PTK7: variants seen among roughly 807,000 people sequenced by gnomAD.
PTK7 encodes inactive tyrosine-protein kinase 7.
In PTK7, 39 loss-of-function variants were observed where a neutral mutation model predicts 116.6. The ratio of observed to expected loss-of-function variants is 0.33; its 90% CI spans 0.26 to 0.44. PTK7 has a LOEUF of 0.44. Ranked by LOEUF, PTK7 falls within the 20% of genes least tolerant of loss-of-function variation. The pLI, the probability that PTK7 is intolerant of heterozygous loss-of-function variation, is 1.00. For synonymous variants in PTK7, 546 were observed against 563.6 expected (o/e 0.97, Z 0.44); for missense variants, 1,169 against 1,425.6 (o/e 0.82, Z 2.90).
chr6:43,132,936 G>A lies in PTK7; in HGVS notation c.1228+249G>A, dbSNP rs146987210. 111 of 597,804 alleles carry A rather than the reference G, an allele frequency of 1.9e-4. 1 individual carries two copies. In the Middle Eastern group the frequency reaches 5.2e-3, roughly 28 times the overall value. 37.0% of individuals were successfully genotyped at this position (597,804 alleles called of 1,614,324 possible). ...TGGTCCTCTGGGTACAGAGGAAAGA[G>A]CAATAGACTAGGAATCTAGAGACCT... On this transcript the variant is annotated intron_variant, in intron 7 of 19. Transcript: ENST00000230419.
chr6:43,083,631 G>A (rs903739771), intron 1 of PTK7, among the ~76,000 whole-genome samples: 2 of 152,140 alleles, frequency 1.3e-5, no homozygotes, highest in Admixed American at 6.5e-5. Flanking sequence ...AGCTTGGTTC[G>A]AAGGGCTGAC....
chr6:43,116,707 A>ATT (rs1768570895), intron 1 of PTK7, among the ~76,000 whole-genome samples: 1 of 151,974 alleles, frequency 6.6e-6, no homozygotes, highest in African/African-American at 2.4e-5. Context: ...GGTTCTGAGG[A>ATT]TACCCAGAGG....
At position 43,141,808 on chromosome 6, in the gene PTK7, A is replaced by G. The variant is rs886541139; in HGVS notation, c.1759A>G (p.Thr587Ala). Residue 587 changes from threonine to alanine, a missense_variant, in exon 11 of 20, where the codon ACT (threonine) becomes GCT (alanine). By Grantham distance (58) the Thr-to-Ala change is moderately conservative. Around this residue, in one of 3 missense-constraint regions of PTK7, gnomAD observed 678 missense variants for 853.8 expected, o/e 0.79. Transcript: ENST00000230419. This position sits in a 1 kb window ranked among gnomAD's most constrained non-coding sequence, Gnocchi z 4.9. ...QGQIRAHVQL[T>A]VAVFITFKVE... ...CCAGATTCGTGCCCATGTCCAGCTC[A>G]CTGTGGCAGGTGCGACCGTGGCAGG... 1.9e-6 allele frequency: 3 copies of G among 1,613,646 alleles called. No individual in the cohort carries two copies. The highest frequency in any genetic ancestry group is 2.5e-6 in the Non-Finnish European group (3 of 1,179,740).
rs763515084 is a variant in PTK7, at chr6:43,145,268, C to T, written c.2476C>T (p.Leu826=). 3 of 1,613,856 alleles carry T rather than the reference C, an allele frequency of 1.9e-6. No individual in the cohort carries two copies. The African/African-American group carries it at 4.0e-5, about 22-fold the overall frequency. Residue 826 remains leucine, a synonymous_variant, in exon 16 of 20, where the codon CTG becomes TTG. Transcript: ENST00000230419. This position sits in a 1 kb window ranked among gnomAD's most constrained non-coding sequence, Gnocchi z 4.8. ...QGLEEGVAET[L]VLVKSLQSKD... ...CTTGGAGGAGGGAGTGGCAGAGACC[C>T]TGGTACTTGTGAAGAGCCTGCAGAG...
intron 1 of PTK7, among the ~76,000 whole-genome samples, chr6:43,101,023 C>T (rs1209892923): frequency 2.8e-5 from 4 of 143,552 alleles, no homozygotes; most frequent in Non-Finnish European, 6.1e-5. Flanking sequence ...ACTTGAGGTC[C>T]AGAGTTCGAG....
At chr6:43,105,996 C>T (rs1032399114) in intron 1 of PTK7, among the ~76,000 whole-genome samples, 5 of 152,158 alleles carry the variant, frequency 3.3e-5, no homozygotes, top group Non-Finnish European at 5.9e-5. Context: ...TGTGACTGCG[C>T]CTGCCATTCT....
At chr6:43,078,007 A>C (rs933930086) in intron 1 of PTK7, among the ~76,000 whole-genome samples, 1 of 152,200 alleles carries the variant, frequency 6.6e-6, no homozygotes, top group East Asian at 1.9e-4. Context: ...CACAGCCAGG[A>C]TGGGGGCCCA....
chr6:43,150,521 G>T (rs1410438590), intron 17 of PTK7, among the ~76,000 whole-genome samples: 1 of 152,132 alleles, frequency 6.6e-6, no homozygotes, highest in East Asian at 1.9e-4. Flanking sequence ...ACCTTGACTA[G>T]CAGCAGATTG....
At chr6:43,091,500 C>A (rs753359520) in intron 1 of PTK7, among the ~76,000 whole-genome samples, 3 of 152,090 alleles carry the variant, frequency 2.0e-5, no homozygotes, top group Non-Finnish European at 4.4e-5. Context: ...AATAATAATA[C>A]CAGTCTCGTT....
At position 43,116,633 on chromosome 6, in the gene PTK7, TGTGTGTGTGTGTGTGTGTGC is replaced by T. The variant is rs1411390485; in HGVS notation, c.80-12342_80-12323del. Among the ~76,000 whole-genome samples, 58 of 129,002 alleles carry T rather than the reference TGTGTGTGTGTGTGTGTGTGC, an allele frequency of 4.5e-4. 1 individual carries two copies. Among genetic ancestry groups the T allele is most frequent in the Middle Eastern group, 7.7e-3 (2 of 260 alleles). 84.6% of individuals were successfully genotyped at this position (129,002 alleles called of 152,430 possible). A position where few individuals can be genotyped will look rare whatever the true frequency, so the allele number is the denominator to read the frequency against. The stretch of plus-strand genomic sequence containing the variant: ...GTGTGTGTGTGTGTGTGTGTGTGTG[TGTGTGTGTGTGTGTGTGTGC>T]GCGCGCACGCACGCACGCATATGGA... On this transcript the variant is annotated intron_variant, in intron 1 of 19. Coordinates refer to ENST00000230419, the MANE Select transcript of PTK7 (RefSeq NM_002821.5).
At position 43,076,726 on chromosome 6, in the gene PTK7, G is replaced by T; in HGVS notation, c.79+159G>T. The T allele has an allele frequency of 7.3e-7, 1 of 1,378,650 alleles. No homozygotes were observed. Among genetic ancestry groups the T allele is most frequent in the Non-Finnish European group, 9.5e-7 (1 of 1,054,700 alleles). The allele number at this position is 1,378,650 out of a possible 1,614,324, so 85.4% of individuals were successfully genotyped here. ...GGCTTGCGGCGGAAGGGCGCAAGGA[G>T]CCCGGGTGTCGGGAGGCTGGCGAAG... is the stretch of plus-strand genomic sequence containing the variant. On this transcript the variant is annotated intron_variant, in intron 1 of 19. Transcript: ENST00000230419. The surrounding 1 kb of genome is among the most constrained non-coding windows in gnomAD (Gnocchi z 5.7).
At chr6:43,144,251 G>C in intron 14 of PTK7, 200 bp from the exon 15 acceptor site, 1 of 619,552 alleles carries the variant, frequency 1.6e-6, no homozygotes, top group South Asian at 2.0e-5. Flanking sequence ...TCACTAAGGG[G>C]TCATACCCTA....
At chr6:43,151,534 GTTTTTTT>G (rs200011172) in intron 17 of PTK7, among the ~76,000 whole-genome samples, 1 of 120,324 alleles carries the variant, frequency 8.3e-6, no homozygotes, top group Non-Finnish European at 1.7e-5. Context: ...TTTGTTTTTT[GTTTTTTT>G]TTTTTTTCGG....
At chr6:43,148,720 C>A (rs189800960) in intron 17 of PTK7, among the ~76,000 whole-genome samples, 1 of 152,082 alleles carries the variant, frequency 6.6e-6, no homozygotes, top group South Asian at 2.1e-4. Flanking sequence ...AAGTTGGGTT[C>A]TACACTCTCC....
chr6:43,156,666 G>A (rs943334256), intron 17 of PTK7, among the ~76,000 whole-genome samples: 2 of 152,028 alleles, frequency 1.3e-5, no homozygotes, highest in Admixed American at 1.3e-4. Context: ...TTGGGAGGCT[G>A]AGGAGGGTGG....
intron 1 of PTK7, among the ~76,000 whole-genome samples, chr6:43,116,651 T>TGCGCGCGCGCGCGCGC (rs879197725): frequency 3.0e-4 from 23 of 77,210 alleles, no homozygotes; most frequent in African/African-American, 1.4e-3. Flanking sequence ...TGTGTGTGTG[T>TGCGCGCGCGCGCGCGC]GCGCGCGCAC....
In PTK7 at chr6:43,143,619, C is replaced by T. The variant is rs769368084; in HGVS notation, c.2250C>T (p.Asn750=). 4.3e-6 allele frequency: 7 copies of T among 1,610,980 alleles called. No homozygotes were observed. Among genetic ancestry groups the T allele is most frequent in the African/African-American group, 4.0e-5 (3 of 74,980 alleles). Residue 750 remains asparagine, a splice_region_variant and synonymous_variant, in exon 14 of 20, where the codon AAC becomes AAT. Coordinates refer to ENST00000230419, the MANE Select transcript of PTK7 (RefSeq NM_002821.5). The surrounding 1 kb of genome is among the most constrained non-coding windows in gnomAD (Gnocchi z 4.2). Reference sequence around the variant, plus strand: ...AGGAGCCAGAGATGGAATGCCTCAACGGTGAGGGGCCCTGGACGGGGAGGT... The same window carrying T: ...AGGAGCCAGAGATGGAATGCCTCAATGGTGAGGGGCCCTGGACGGGGAGGT... ...EGEEPEMECL[N]GGPLQNGQPS... is the part of the protein sequence containing the mutation.
intron 1 of PTK7, 134 bp from the exon 2 acceptor site, chr6:43,128,843 T>G: frequency 1.2e-6 from 1 of 826,634 alleles, no homozygotes; most frequent in South Asian, 2.5e-5. Flanking sequence ...TGTGGCATCA[T>G]GATCCTTCAC....
At chr6:43,144,328 A>G (rs978400489) in intron 14 of PTK7, 123 bp from the exon 15 acceptor site, 5 of 1,240,202 alleles carry the variant, frequency 4.0e-6, no homozygotes, top group African/African-American at 1.5e-5. Flanking sequence ...TTGCCCTTTC[A>G]TGTGGAGCAC....
Sources: allele counts gnomAD v4.1 joint callset (sites outside exome capture counted in the v4.1 genomes callset), GRCh38; gene constraint gnomAD v4.1.1; regional missense constraint gnomAD v4.1.1; non-coding constraint Gnocchi (gnomAD v3.1); transcripts MANE v1.5; gene names NCBI Gene and HGNC (gene_info 2026-07-23, HGNC 2026-07-21).